SLC13A5: variants seen among roughly 807,000 people sequenced by gnomAD.
The protein encoded by SLC13A5 is Na(+)/citrate cotransporter.
Under a neutral mutation model 56.5 loss-of-function variants are expected in SLC13A5, and 25 were observed. That is an observed-to-expected ratio of 0.44 (90% CI 0.32 to 0.62). The LOEUF (loss-of-function observed/expected upper bound fraction) is 0.62, where lower values mean the gene tolerates loss of function less well. Among genes scored for constraint, SLC13A5 ranks in the 20% least tolerant of loss-of-function variants. The pLI is 0.04. For missense variants in SLC13A5, 649 were observed against 737.8 expected, an observed-to-expected ratio of 0.88 and a Z score of 1.39; for synonymous variants, 307 against 301.5, an observed-to-expected ratio of 1.02 and a Z score of -0.19.
At position 6,692,270 on chromosome 17, in the gene SLC13A5, T is replaced by TGGAC. The variant is rs1290025833; in HGVS notation, c.1275+773_1275+774insGTCC. Among the ~76,000 whole-genome samples the TGGAC allele has an allele frequency of 4.8e-5, 7 of 145,552 alleles. No homozygotes were observed. Among genetic ancestry groups the TGGAC allele is most frequent in the East Asian group, 1.9e-4 (1 of 5,150 alleles). ...ATGGATGGATGGATGGATGGATGGATGGATGGACGGATGGACGGACGGATG... is the reference window on the plus strand; with the variant it reads ...ATGGATGGATGGATGGATGGATGGATGGACGGATGGACGGATGGACGGACGGATG... On this transcript the variant is annotated intron_variant, in intron 9 of 11. Coordinates refer to ENST00000433363, the MANE Select transcript of SLC13A5 (RefSeq NM_177550.5). This position sits in a 1 kb window ranked among gnomAD's most constrained non-coding sequence, Gnocchi z 5.5.
intron 1 of SLC13A5, among the ~76,000 whole-genome samples, chr17:6,707,961 T>C (rs1436308981): frequency 1.5e-5 from 2 of 136,420 alleles, no homozygotes; most frequent in South Asian, 2.4e-4. Flanking sequence ...TTGTTTTATG[T>C]TTCATCAGTA....
chr17:6,711,770 T>C lies in SLC13A5; in HGVS notation c.102+1462A>G, dbSNP rs1221198945. Among the ~76,000 whole-genome samples, 4 of 151,980 alleles carry C rather than the reference T, an allele frequency of 2.6e-5. No individual in the cohort carries two copies. Among genetic ancestry groups the C allele is most frequent in the African/African-American group, 9.7e-5 (4 of 41,364 alleles). On this transcript the variant is annotated intron_variant, in intron 1 of 11. Coordinates refer to ENST00000433363, the MANE Select transcript of SLC13A5 (RefSeq NM_177550.5). This position sits in a 1 kb window ranked among gnomAD's most constrained non-coding sequence, Gnocchi z 4.0. The stretch of plus-strand genomic sequence containing the variant: ...GTGGCAGGAAGGTCAGCCAAGCTAC[T>C]ATAATCATTCCAGGGAACATCACTC...
intron 6 of SLC13A5, 28 bp from the exon 7 acceptor site, chr17:6,695,969 C>A: frequency 2.5e-6 from 4 of 1,606,982 alleles, no homozygotes; most frequent in Non-Finnish European, 3.4e-6. Context: ...GAGAGAAGGG[C>A]AGGGCAGACT....
In SLC13A5 at chr17:6,701,615, C is replaced by CGG. The variant is rs1338520815; in HGVS notation, c.717-491_717-490dup. Among the ~76,000 whole-genome samples the CGG allele has an allele frequency of 6.6e-6, 1 of 152,118 alleles. No individual in the cohort carries two copies. The highest frequency in any genetic ancestry group is 1.5e-5 in the Non-Finnish European group (1 of 68,020). ...ATCCCAGCTAATAGGGAGGCTGAAG[C>CGG]GGGAGAATCGCTTGAACCCAGGAGG... On this transcript the variant is annotated intron_variant, in intron 5 of 11. Transcript: ENST00000433363. This position sits in a 1 kb window ranked among gnomAD's most constrained non-coding sequence, Gnocchi z 4.1.
chr17:6,707,385 C>G (rs1024493316), intron 1 of SLC13A5, among the ~76,000 whole-genome samples: 1 of 152,142 alleles, frequency 6.6e-6, no homozygotes, highest in African/African-American at 2.4e-5. Context: ...CTCCCTGCCT[C>G]CCTCCTTCCC....
At chr17:6,708,993 C>CTTTTTTTTTTTTTTTT (rs575087645) in intron 1 of SLC13A5, among the ~76,000 whole-genome samples, 28 of 133,026 alleles carry the variant, frequency 2.1e-4, no homozygotes, top group East Asian at 4.5e-4. Context: ...TCTTTTATTT[C>CTTTTTTTTTTTTTTTT]TTTTTTTTTT....
intron 6 of SLC13A5, 39 bp from the exon 7 acceptor site, chr17:6,695,980 G>A: frequency 6.3e-7 from 1 of 1,583,508 alleles, no homozygotes; most frequent in Non-Finnish European, 8.7e-7. Context: ...AGGGCAGACT[G>A]GTTGGCTCAG....
At chr17:6,706,877 G>T (rs553287904) in intron 2 of SLC13A5, 99 bp from the exon 3 acceptor site, 2 of 1,570,050 alleles carry the variant, frequency 1.3e-6, no homozygotes, top group African/African-American at 1.3e-5. Flanking sequence ...TTGGAGTGGG[G>T]ATGCAGGCTC....
intron 7 of SLC13A5, chr17:6,695,362 A>G (rs2151486723): frequency 1.7e-5 from 3 of 176,512 alleles, no homozygotes; most frequent in Middle Eastern, 5.2e-3. Flanking sequence ...AGCAGCATTT[A>G]GGCACTAGTG....
At chr17:6,699,088 TA>T (rs200454804) in intron 6 of SLC13A5, among the ~76,000 whole-genome samples, 2,744 of 86,850 alleles carry the variant, frequency 0.032, 37 homozygotes, top group East Asian at 0.095. Context: ...AATAAATAAA[TA>T]AAATAAAATA....
At chr17:6,702,946 C>G (rs767575115) in intron 5 of SLC13A5, 24 bp downstream of exon 5, 1 of 1,611,142 alleles carries the variant, frequency 6.2e-7, no homozygotes, top group East Asian at 2.2e-5. Context: ...TCGTTGTCCC[C>G]AGAAGGTGCG....
intron 6 of SLC13A5, among the ~76,000 whole-genome samples, chr17:6,699,951 C>T (rs1973664985): frequency 6.6e-6 from 1 of 152,210 alleles, no homozygotes; most frequent in Non-Finnish European, 1.5e-5. Context: ...GTTCCTCCTT[C>T]AGAAGAAAAC....
chr17:6,686,271 C>A lies in SLC13A5; in HGVS notation c.1643G>T (p.Gly548Val). Residue 548 changes from glycine to valine, a missense_variant, in exon 12 of 12, where the codon GGA becomes GTA. Gly to Val is a moderately radical substitution (Grantham distance 109). Transcript: ENST00000433363. ...FCVFLAVNTW[G>V]RAIFDLDHFP... is the part of the protein sequence containing the mutation. Reference sequence around the variant, plus strand: ...ATGATCCAAGTCAAATATGGCCCGTCCCCAGGTGTTGACAGCCAAAAACAC... The same window carrying A: ...ATGATCCAAGTCAAATATGGCCCGTACCCAGGTGTTGACAGCCAAAAACAC... 6.2e-7 allele frequency: 1 copy of A among 1,614,128 alleles called. No individual in the cohort carries two copies. Among genetic ancestry groups the A allele is most frequent in the East Asian group, 2.2e-5 (1 of 44,872 alleles).
At chr17:6,697,754 A>C (rs940759072) in intron 6 of SLC13A5, among the ~76,000 whole-genome samples, 1 of 152,050 alleles carries the variant, frequency 6.6e-6, no homozygotes, top group East Asian at 1.9e-4. Context: ...AGTTAGGTAT[A>C]ACCAGTAATA....
intron 6 of SLC13A5, among the ~76,000 whole-genome samples, chr17:6,696,375 A>G (rs965250724): frequency 4.6e-5 from 7 of 152,180 alleles, no homozygotes; most frequent in African/African-American, 1.7e-4. Context: ...GCAGGGAGTG[A>G]GTATGAACCC....
At position 6,687,406 on chromosome 17, in the gene SLC13A5, G is replaced by T. The variant is rs1054283014; in HGVS notation, c.1575+123C>A. On this transcript the variant is annotated intron_variant, in intron 11 of 11. Transcript: ENST00000433363. The surrounding 1 kb of genome is among the most constrained non-coding windows in gnomAD (Gnocchi z 5.0). ...AATGTCAACAATGGCTACAGGTCTG[G>T]ATGTTCCGTGGCATTCCCAAGTCAC... 9 of 1,327,630 alleles carry T rather than the reference G, an allele frequency of 6.8e-6. 1 individual carries two copies. Among genetic ancestry groups the T allele is most frequent in the Non-Finnish European group, 9.6e-6 (9 of 940,646 alleles). 82.2% of individuals were successfully genotyped at this position (1,327,630 alleles called of 1,614,324 possible).
intron 6 of SLC13A5, among the ~76,000 whole-genome samples, chr17:6,696,998 C>T (rs1597664441): frequency 1.3e-5 from 2 of 152,180 alleles, no homozygotes; most frequent in South Asian, 4.2e-4. Context: ...TTCTGGGGTG[C>T]TCAGGGGTCA....
chr17:6,706,526 G>T, intron 3 of SLC13A5, 116 bp downstream of exon 3: 1 of 1,430,186 alleles, frequency 7.0e-7, no homozygotes, highest in Non-Finnish European at 9.4e-7. Context: ...GCCAAGTCCA[G>T]GTAAGCCCAT....
At chr17:6,688,008 AGAG>A in intron 10 of SLC13A5, 2 of 179,952 alleles carry the variant, frequency 1.1e-5, no homozygotes, top group Non-Finnish European at 2.3e-5. Context: ...ACAGACTGAG[AGAG>A]CCTAGAGGCC....
Sources: gnomAD v4.1 joint callset for allele counts (sites outside exome capture counted in the v4.1 genomes callset) on GRCh38, gnomAD v4.1.1 for gene constraint, Gnocchi (gnomAD v3.1) non-coding constraint, MANE v1.5 for transcripts, NCBI Gene and HGNC (gene_info 2026-07-23, HGNC 2026-07-21) for gene names.